The following EML5 variants were observed in gnomAD, a reference collection of about 807,000 sequenced individuals.
The protein encoded by EML5 is echinoderm microtubule-associated protein-like 5.
In EML5, 120 loss-of-function variants were observed where a neutral mutation model predicts 250.0. That is an observed-to-expected ratio of 0.48 (90% confidence interval 0.41 to 0.56). The LOEUF is 0.56. Among genes scored for constraint, EML5 ranks in the 20% least tolerant of loss-of-function variants. The pLI is 0.00. For synonymous variants in EML5, 771 were observed against 806.5 expected (o/e 0.96, Z 0.75); for missense variants, 2,006 against 2,437.6 (o/e 0.82, Z 3.73).
In EML5 at chr14:88,634,516, A is replaced by G. The variant is rs758440859; in HGVS notation, c.4337-27T>C. The G allele has an allele frequency of 5.2e-5, 71 of 1,363,308 alleles. 1 individual carries two copies. Among genetic ancestry groups the G allele is most frequent in the Non-Finnish European group, 6.5e-5 (66 of 1,014,606 alleles). The allele number at this position is 1,363,308 out of a possible 1,614,324, so 84.5% of individuals were successfully genotyped here. A position where few individuals can be genotyped will look rare whatever the true frequency, so the allele number is the denominator to read the frequency against. On this transcript the variant is annotated intron_variant, in intron 32 of 43. Transcript: ENST00000554922. ...TATAATGGAAAATAATTATCTATAA[A>G]TAACATAAATCTGTAAAATCTGTAA...
intron 3 of EML5, among the ~76,000 whole-genome samples, chr14:88,745,502 T>A (rs181050738): frequency 4.3e-4 from 66 of 152,266 alleles, no homozygotes; most frequent in African/African-American, 1.5e-3. Context: ...TAACAAGTCA[T>A]CAGTTAAAAA....
Position 88,657,362 on chromosome 14 carries a change from A to C in EML5, c.4004+14T>G. 6.5e-7 allele frequency: 1 copy of C among 1,546,638 alleles called. No homozygotes were observed. The highest frequency in any genetic ancestry group is 2.4e-5 in the East Asian group (1 of 41,716). ...ATATCTTTTTCTTCATCTAATACTA[A>C]ACTAAATTATTACCTTTCATCAATT... On this transcript the variant is annotated intron_variant, in intron 27 of 43. Coordinates refer to ENST00000554922, the MANE Select transcript of EML5 (RefSeq NM_183387.3).
intron 7 of EML5, among the ~76,000 whole-genome samples, chr14:88,735,195 T>C (rs2093821045): frequency 6.6e-6 from 1 of 152,180 alleles, no homozygotes. Context: ...CACAAATCGC[T>C]CAATTTCTGG....
At chr14:88,778,053 C>T (rs2094463762) in intron 1 of EML5, among the ~76,000 whole-genome samples, 1 of 152,172 alleles carries the variant, frequency 6.6e-6, no homozygotes, top group Non-Finnish European at 1.5e-5. Context: ...TTTATACAAA[C>T]AGTGTTAAGT....
At chr14:88,686,317 G>A (rs1293984929) in intron 19 of EML5, among the ~76,000 whole-genome samples, 4 of 151,978 alleles carry the variant, frequency 2.6e-5, no homozygotes, top group African/African-American at 4.8e-5. Flanking sequence ...ACGAGTTAAC[G>A]GGTGCAGCAC....
intron 16 of EML5, 71 bp downstream of exon 16, chr14:88,695,290 T>C: frequency 8.0e-7 from 1 of 1,256,026 alleles, no homozygotes; most frequent in Middle Eastern, 1.9e-4. Context: ...AAAATTCTTT[T>C]AATTAAAAAT....
At chr14:88,680,376 G>C (rs2141150311) in intron 21 of EML5, among the ~76,000 whole-genome samples, 1 of 152,022 alleles carries the variant, frequency 6.6e-6, no homozygotes, top group East Asian at 1.9e-4. Flanking sequence ...TATGAAACAA[G>C]CTTATCTATC....
At chr14:88,625,216 T>C (rs2089735542) in intron 35 of EML5, 89 bp from the exon 36 acceptor site, 1 of 1,438,150 alleles carries the variant, frequency 7.0e-7, no homozygotes, top group Non-Finnish European at 9.4e-7. Context: ...TGTAATGCTG[T>C]CTCACCCTTG....
chr14:88,691,698 T>C (rs1051053612), intron 17 of EML5, among the ~76,000 whole-genome samples: 1 of 152,174 alleles, frequency 6.6e-6, no homozygotes, highest in Non-Finnish European at 1.5e-5. Flanking sequence ...AGTCATCTCC[T>C]TCAACCTAGT....
rs1316797126 is a variant in EML5 at position 88,783,634 on chromosome 14, C to T, written c.197+8673G>A. 2.6e-5 allele frequency among the ~76,000 whole-genome samples: 4 copies of T among 152,152 alleles called. No homozygotes were observed. The East Asian group carries it at 7.7e-4, about 29-fold the overall frequency. On this transcript the variant is annotated intron_variant, in intron 1 of 43. Transcript: ENST00000554922. ...GATATAACAATTTTAAATATATACG[C>T]ACCCAACACTAGAGCACTTAGATAT...
Position 88,736,385 on chromosome 14 carries a change from C to A in EML5, c.1028G>T (p.Gly343Val). Reference protein sequence around the residue: ...VHPTKPLAVTGSDDRSVRIWS... With the variant: ...VHPTKPLAVTVSDDRSVRIWS... ...TTACCTGACCGAACGATCATCACTT[C>A]CAGTCACAGCCAAAGGTTTAGTAGG... is the stretch of plus-strand genomic sequence containing the variant. Residue 343 changes from glycine (G) to valine (V), a missense_variant, in exon 7 of 44, where the codon GGA becomes GTA. By Grantham distance (109) the Gly-to-Val change is moderately radical. This residue lies in a region of EML5 where 1,375 missense variants were observed against 1,590.3 expected (regional missense o/e 0.86). Transcript: ENST00000554922. The A allele has an allele frequency of 6.2e-7, 1 of 1,614,010 alleles. No homozygotes were observed. The highest frequency in any genetic ancestry group is 8.5e-7 in the Non-Finnish European group (1 of 1,179,882).
intron 1 of EML5, among the ~76,000 whole-genome samples, chr14:88,775,472 T>C (rs942775954): frequency 6.6e-6 from 1 of 152,204 alleles, no homozygotes; most frequent in Non-Finnish European, 1.5e-5. Flanking sequence ...TTGGCAGTAG[T>C]CTGGTAGTGC....
chr14:88,733,630 C>T (rs945565450), intron 7 of EML5, among the ~76,000 whole-genome samples: 1 of 152,110 alleles, frequency 6.6e-6, no homozygotes, highest in African/African-American at 2.4e-5. Context: ...TAAGGTGTAG[C>T]CCCCACAGTA....
At chr14:88,750,652 G>C (rs1273481085) in intron 2 of EML5, among the ~76,000 whole-genome samples, 1 of 152,028 alleles carries the variant, frequency 6.6e-6, no homozygotes, top group Admixed American at 6.6e-5. Flanking sequence ...TTTCTGAAAA[G>C]AAAGTTTTAC....
At chr14:88,622,308 A>G in intron 37 of EML5, 1 of 263,718 alleles carries the variant, frequency 3.8e-6, no homozygotes, top group Non-Finnish European at 7.1e-6. Context: ...AGCTGTCCTA[A>G]TATGAGTCAA....
intron 33 of EML5, among the ~76,000 whole-genome samples, chr14:88,632,767 G>A (rs954278504): frequency 2.6e-5 from 4 of 152,156 alleles, no homozygotes; most frequent in African/African-American, 9.7e-5. Flanking sequence ...GCTTTCTTCA[G>A]GGCGTTTGGT....
chr14:88,716,134 T>A (rs1242742387), intron 8 of EML5, among the ~76,000 whole-genome samples: 1 of 152,160 alleles, frequency 6.6e-6, no homozygotes, highest in African/African-American at 2.4e-5. Context: ...TGACTTCTGT[T>A]ACACATGTGC....
chr14:88,766,427 G>A (rs1029377492), intron 1 of EML5, among the ~76,000 whole-genome samples: 1 of 152,156 alleles, frequency 6.6e-6, no homozygotes, highest in Non-Finnish European at 1.5e-5. Context: ...GGGAATGTCT[G>A]TCTTTTACAG....
chr14:88,783,214 GCCCCCACACACAAATGTGGGGTTGGAT>G (rs938288560), intron 1 of EML5, among the ~76,000 whole-genome samples: 5 of 152,170 alleles, frequency 3.3e-5, no homozygotes, highest in Admixed American at 1.3e-4. Context: ...TGGGGTTGGA[GCCCCCACACACAAATGTGGGGTTGGAT>G]CCCCTACACA....
Sources: gnomAD v4.1 joint callset for allele counts (sites outside exome capture counted in the v4.1 genomes callset) on GRCh38, gnomAD v4.1.1 for gene constraint, gnomAD v4.1.1 regional missense constraint, MANE v1.5 for transcripts, NCBI Gene and HGNC (gene_info 2026-07-23, HGNC 2026-07-21) for gene names.